Variants in HYDIN observed in about 807,000 individuals in gnomAD.
The protein encoded by HYDIN is HYDIN axonemal central pair apparatus protein.
Under a neutral mutation model 403.9 loss-of-function variants are expected in HYDIN, and 132 were observed. The observed-to-expected ratio is 0.33, with a 90% CI of 0.28 to 0.38. The LOEUF is 0.38. Ranked by LOEUF, HYDIN falls within the 10% of genes least tolerant of loss-of-function variation. The pLI is 1.00. For synonymous variants in HYDIN, 1,202 were observed against 1,891.7 expected (o/e 0.64, Z 9.46); for missense variants, 2,827 against 5,009.5 (o/e 0.56, Z 13.15).
chr16:71,159,598 C>T (rs978549008), intron 6 of HYDIN, among the ~76,000 whole-genome samples: 1 of 98,112 alleles, frequency 1.0e-5, no homozygotes, highest in Non-Finnish European at 2.0e-5. Flanking sequence ...AAAACATAAA[C>T]AAAACTTACA....
chr16:71,065,124 A>G (rs748787503), intron 15 of HYDIN, among the ~76,000 whole-genome samples: 1 of 152,250 alleles, frequency 6.6e-6, no homozygotes, highest in Non-Finnish European at 1.5e-5. Flanking sequence ...TTCTTTGGGC[A>G]AGGGGTCCCC....
At chr16:70,837,126 A>AAT (rs2037480350) in intron 77 of HYDIN, among the ~76,000 whole-genome samples, 1 of 152,214 alleles carries the variant, frequency 6.6e-6, no homozygotes, top group African/African-American at 2.4e-5. Context: ...ACAAGAAGGA[A>AAT]ATGAATGAGC....
At chr16:70,839,427 C>A (rs1320743895) in intron 76 of HYDIN, among the ~76,000 whole-genome samples, 2 of 148,570 alleles carry the variant, frequency 1.3e-5, no homozygotes, top group Non-Finnish European at 3.0e-5. Context: ...AATAAAAAAT[C>A]AGTTCTTTAG....
chr16:71,003,091 C>A (rs28861087), intron 23 of HYDIN, among the ~76,000 whole-genome samples: 1 of 152,142 alleles, frequency 6.6e-6, no homozygotes, highest in African/African-American at 2.4e-5. Flanking sequence ...TGTTTCCATA[C>A]ATGTAAGGGC....
Position 71,149,547 on chromosome 16 carries a change from G to A in HYDIN, c.841+3112C>T, listed in dbSNP as rs111568040. ...TTATTTTTTATTTTTTATTTTTGGAGATGGAGTCTTGCTCTGTTGCCCAGG... is the reference window on the plus strand; with the variant it reads ...TTATTTTTTATTTTTTATTTTTGGAAATGGAGTCTTGCTCTGTTGCCCAGG... On this transcript the variant is annotated intron_variant, in intron 7 of 85. Transcript: ENST00000393567. Among the ~76,000 whole-genome samples the A allele has an allele frequency of 8.6e-3, 1,312 of 152,106 alleles. 18 individuals carry two copies. Among genetic ancestry groups the A allele is most frequent in the African/African-American group, 0.03 (1,244 of 41,484 alleles).
In HYDIN at chr16:70,807,405, A is replaced by T; in HGVS notation, c.*175T>A. On this transcript the variant is annotated 3_prime_UTR_variant, in exon 86 of 86. Transcript: ENST00000393567. ...GTTGTGTGTAGTTATAATGTTTAAT[A>T]TGGAATAGATATTTCATATCTATAT... is the stretch of plus-strand genomic sequence containing the variant. The T allele has an allele frequency of 1.5e-6, 1 of 658,502 alleles. No individual in the cohort carries two copies. The highest frequency in any genetic ancestry group is 4.3e-4 in the Middle Eastern group (1 of 2,348). The allele number at this position is 658,502 out of a possible 1,614,324, so 40.8% of individuals were successfully genotyped here. A position where few individuals can be genotyped will look rare whatever the true frequency, so the allele number is the denominator to read the frequency against.
chr16:70,881,101 C>T (rs1378214743), intron 60 of HYDIN, among the ~76,000 whole-genome samples: 2 of 139,976 alleles, frequency 1.4e-5, no homozygotes, highest in Non-Finnish European at 3.0e-5. Flanking sequence ...TGGTGCGTGC[C>T]TGTAGTCCCA....
intron 67 of HYDIN, among the ~76,000 whole-genome samples, chr16:70,864,644 A>G (rs2039635794): frequency 1.4e-5 from 2 of 139,410 alleles, no homozygotes; most frequent in Admixed American, 7.3e-5. Flanking sequence ...CTTTGACCAC[A>G]GTGGCTTGTG....
intron 20 of HYDIN, among the ~76,000 whole-genome samples, chr16:71,026,936 T>G (rs1485545623): frequency 6.6e-6 from 1 of 152,094 alleles, no homozygotes; most frequent in Non-Finnish European, 1.5e-5. Context: ...GGTCTGCATT[T>G]TGTCGGGAGG....
chr16:71,218,273 A>T (rs2088996514), intron 1 of HYDIN, among the ~76,000 whole-genome samples: 1 of 152,164 alleles, frequency 6.6e-6, no homozygotes, highest in Admixed American at 6.5e-5. Context: ...TGGGGAGAAA[A>T]CAGAGAAGGG....
intron 1 of HYDIN, among the ~76,000 whole-genome samples, chr16:71,217,581 T>C (rs564791344): frequency 6.6e-6 from 1 of 152,272 alleles, no homozygotes; most frequent in Admixed American, 6.5e-5. Context: ...GCAAATACAG[T>C]TCCTATGCAG....
chr16:71,070,322 T>C (rs1005346393), intron 13 of HYDIN, among the ~76,000 whole-genome samples: 1 of 138,770 alleles, frequency 7.2e-6, no homozygotes, highest in African/African-American at 2.8e-5. Context: ...CCTTTCTTTC[T>C]TTTTTTTTTT....
chr16:70,879,219 G>A, intron 62 of HYDIN, 78 bp downstream of exon 62: 6 of 1,229,574 alleles, frequency 4.9e-6, no homozygotes, highest in Non-Finnish European at 6.8e-6. Flanking sequence ...CATTAGGCAT[G>A]GCAGAGGCCC....
Position 70,866,882 on chromosome 16 carries a change from G to A in HYDIN, c.11311-553C>T, listed in dbSNP as rs1041927994. Among the ~76,000 whole-genome samples the A allele has an allele frequency of 4.0e-5, 6 of 151,842 alleles. No homozygotes were observed. In the South Asian group the frequency reaches 1.0e-3, roughly 26 times the overall value. ...TCTGCTAAAAGTACAAAAATTAGCC[G>A]GGTGTGGTGGTGCATGCTTGTAATC... On this transcript the variant is annotated intron_variant, in intron 66 of 85. Transcript: ENST00000393567.
intron 20 of HYDIN, among the ~76,000 whole-genome samples, chr16:71,026,410 G>A (rs375717049): frequency 5.3e-5 from 8 of 152,270 alleles, no homozygotes; most frequent in Middle Eastern, 3.4e-3. Context: ...AAGAACATTC[G>A]GGGATGCTTT....
In HYDIN at chr16:71,041,735, T is replaced by C. The variant is rs567132065; in HGVS notation, c.2530-9818A>G. Reference sequence around the variant, plus strand: ...ATCTGCATGATGTGATGACAAGTGATTTTTTTTGTTATCTTTAACTTCTGT... The same window carrying C: ...ATCTGCATGATGTGATGACAAGTGACTTTTTTTGTTATCTTTAACTTCTGT... On this transcript the variant is annotated intron_variant, in intron 18 of 85. Coordinates refer to ENST00000393567, the MANE Select transcript of HYDIN (RefSeq NM_001270974.2). Among the ~76,000 whole-genome samples the C allele has an allele frequency of 6.3e-3, 958 of 151,926 alleles. 10 individuals are homozygous for C. Among genetic ancestry groups the C allele is most frequent in the African/African-American group, 0.022 (900 of 41,468 alleles).
intron 18 of HYDIN, among the ~76,000 whole-genome samples, chr16:71,043,235 C>T (rs897322035): frequency 6.1e-5 from 9 of 148,220 alleles, no homozygotes; most frequent in African/African-American, 1.7e-4. Flanking sequence ...CTCTTTGTGT[C>T]CAGTGTTCTG....
Position 70,943,928 on chromosome 16 carries a change from G to A in HYDIN, c.6553C>T (p.Pro2185Ser), listed in dbSNP as rs766357943. Residue 2185 changes from proline to serine, a missense_variant, in exon 42 of 86, where the codon CCG (proline) becomes TCG (serine). By Grantham distance (74) the Pro-to-Ser change is moderately conservative. Transcript: ENST00000393567. ...CTGAGCCAGCGGTGGATGGGCCCCG[G>A]GGGGAGAGGGCTGGAGGAAATCTGT... Reference protein sequence around the residue: ...TPQISSSPLPPGPIHRWLSVS... With the variant: ...TPQISSSPLPSGPIHRWLSVS... The A allele has an allele frequency of 7.4e-6, 12 of 1,611,050 alleles. No individual in the cohort carries two copies. The Admixed American group carries it at 1.8e-4, about 25-fold the overall frequency.
At chr16:71,166,060 G>A (rs944234087) in intron 5 of HYDIN, among the ~76,000 whole-genome samples, 48 of 149,006 alleles carry the variant, frequency 3.2e-4, no homozygotes, top group African/African-American at 1.0e-3. Flanking sequence ...ACTGCAGCGG[G>A]AAGAGGGAGG....
Sources: allele counts gnomAD v4.1 joint callset (sites outside exome capture counted in the v4.1 genomes callset), GRCh38; gene constraint gnomAD v4.1.1; transcripts MANE v1.5; gene names NCBI Gene and HGNC (gene_info 2026-07-23, HGNC 2026-07-21).